Variants in DGKI observed in about 807,000 individuals in gnomAD.
The protein encoded by DGKI is DAG kinase iota.
A neutral mutation model predicts 147.5 loss-of-function variants in DGKI; 55 were observed. That is an observed-to-expected ratio of 0.37 (90% CI 0.30 to 0.47). DGKI has a LOEUF of 0.47. Ranked by LOEUF, DGKI falls within the 20% of genes least tolerant of loss-of-function variation. DGKI has a pLI of 1.00. For synonymous variants in DGKI, 469 were observed against 477.1 expected (o/e 0.98, Z 0.22); for missense variants, 1,007 against 1,323.8 (o/e 0.76, Z 3.71).
chr7:137,534,446 T>C (rs1817450890), intron 20 of DGKI, among the ~76,000 whole-genome samples: 1 of 152,102 alleles, frequency 6.6e-6, no homozygotes, highest in Non-Finnish European at 1.5e-5. Flanking sequence ...TCTGCATGTA[T>C]TTCTGCAGAT....
chr7:137,422,664 G>A lies in DGKI; in HGVS notation c.2762-10457C>T, dbSNP rs868576510. On this transcript the variant is annotated intron_variant, in intron 28 of 32. Coordinates refer to ENST00000614521, the MANE Select transcript of DGKI (RefSeq NM_001321708.2). ...CTCTCACCCAGACTGGAGTGCAGTG[G>A]CGCCATCTCAGCTCACTGCAAGCTC... Among the ~76,000 whole-genome samples the A allele has an allele frequency of 1.5e-4, 20 of 130,674 alleles. No homozygotes were observed. The Middle Eastern group carries it at 0.025, about 162-fold the overall frequency. 85.7% of individuals were successfully genotyped at this position (130,674 alleles called of 152,430 possible).
intron 1 of DGKI, among the ~76,000 whole-genome samples, chr7:137,735,275 T>A (rs1366273356): frequency 6.6e-6 from 1 of 152,170 alleles, no homozygotes; most frequent in Admixed American, 6.6e-5. Context: ...ACTTTTGTTT[T>A]AGCAACGCTA....
chr7:137,832,537 CA>C (rs1798248497), intron 1 of DGKI, among the ~76,000 whole-genome samples: 1 of 152,206 alleles, frequency 6.6e-6, no homozygotes, highest in African/African-American at 2.4e-5. Flanking sequence ...CACAAGACAC[CA>C]AGTCCATAGT....
chr7:137,628,921 G>C (rs1821035185), intron 6 of DGKI, among the ~76,000 whole-genome samples: 1 of 152,176 alleles, frequency 6.6e-6, no homozygotes, highest in East Asian at 1.9e-4. Flanking sequence ...AAGATAAGCT[G>C]AATTTATTTC....
intron 21 of DGKI, among the ~76,000 whole-genome samples, chr7:137,515,485 C>A (rs1234458441): frequency 6.6e-6 from 1 of 151,990 alleles, no homozygotes; most frequent in Non-Finnish European, 1.5e-5. Context: ...GTCCAACAAA[C>A]CTGAGTGTGA....
At chr7:137,411,203 C>T (rs1812149484) in intron 29 of DGKI, among the ~76,000 whole-genome samples, 1 of 152,216 alleles carries the variant, frequency 6.6e-6, no homozygotes, top group Non-Finnish European at 1.5e-5. Flanking sequence ...TGCCTTCAGG[C>T]AGCTGTCATT....
chr7:137,524,453 A>T (rs1028740049), intron 20 of DGKI, among the ~76,000 whole-genome samples: 6 of 152,170 alleles, frequency 3.9e-5, no homozygotes, highest in African/African-American at 1.4e-4. Context: ...CAGGACAAGA[A>T]TAAAAATAAG....
chr7:137,675,455 C>T (rs575132371), intron 3 of DGKI, among the ~76,000 whole-genome samples: 17 of 152,152 alleles, frequency 1.1e-4, no homozygotes, highest in East Asian at 3.9e-4. Context: ...GAGGCCGAGG[C>T]GGGTGGATCC....
intron 1 of DGKI, among the ~76,000 whole-genome samples, chr7:137,823,180 T>A (rs765999711): frequency 3.9e-5 from 6 of 152,096 alleles, no homozygotes; most frequent in African/African-American, 1.2e-4. Context: ...GTTTTGAAAT[T>A]CCTAAACAAT....
At chr7:137,632,333 G>A (rs1821149231) in intron 6 of DGKI, among the ~76,000 whole-genome samples, 1 of 152,200 alleles carries the variant, frequency 6.6e-6, no homozygotes, top group African/African-American at 2.4e-5. Flanking sequence ...TCCATTGATT[G>A]AAGGAGAGGG....
rs113902232 is a variant in DGKI at position 137,844,267 on chromosome 7, T to C, written c.401+2195A>G. ...ATTTCCTGTTACCCAGGCACAAACATGCTCCAGATGGAAGCACCTCCTTTT... is the reference window on the plus strand; with the variant it reads ...ATTTCCTGTTACCCAGGCACAAACACGCTCCAGATGGAAGCACCTCCTTTT... On this transcript the variant is annotated intron_variant, in intron 1 of 32. Transcript: ENST00000614521. Among the ~76,000 whole-genome samples, 787 of 152,322 alleles carry C rather than the reference T, an allele frequency of 5.2e-3. 4 individuals carry two copies. Among genetic ancestry groups the C allele is most frequent in the African/African-American group, 0.018 (754 of 41,576 alleles).
intron 20 of DGKI, among the ~76,000 whole-genome samples, chr7:137,523,832 A>G (rs974413544): frequency 6.8e-6 from 1 of 146,264 alleles, no homozygotes; most frequent in Non-Finnish European, 1.5e-5. Context: ...AAAACTCACA[A>G]TATCATTTAC....
rs114264900 is a variant in DGKI at position 137,773,497 on chromosome 7, T to C, written c.401+72965A>G. 1.5e-3 allele frequency among the ~76,000 whole-genome samples: 228 copies of C among 152,256 alleles called. 1 individual carries two copies. The highest frequency in any genetic ancestry group is 5.4e-3 in the African/African-American group (224 of 41,540). ...GGACCCTCTTCTCAGGATGCTTTAA[T>C]AGATCTGTGAGGGCACACAGGAATT... On this transcript the variant is annotated intron_variant, in intron 1 of 32. Transcript: ENST00000614521.
intron 28 of DGKI, among the ~76,000 whole-genome samples, chr7:137,422,454 C>A (rs1256704204): frequency 6.6e-6 from 1 of 151,774 alleles, no homozygotes; most frequent in Non-Finnish European, 1.5e-5. Flanking sequence ...ACAGCTATTC[C>A]CTTAAAACTA....
chr7:137,638,540 GTA>G lies in DGKI; in HGVS notation c.804+6930_804+6931del, dbSNP rs1402051689. On this transcript the variant is annotated intron_variant, in intron 6 of 32. Coordinates refer to ENST00000614521, the MANE Select transcript of DGKI (RefSeq NM_001321708.2). ...TGTATATATATACACACACATATAT[GTA>G]TATATATGTGTGTATATATATACAC... 9.5e-4 allele frequency among the ~76,000 whole-genome samples: 90 copies of G among 94,890 alleles called. 2 individuals are homozygous for G. The highest frequency in any genetic ancestry group is 3.5e-3 in the African/African-American group (61 of 17,254). The allele number at this position is 94,890 out of a possible 152,430, so 62.3% of individuals were successfully genotyped here. A position where few individuals can be genotyped will look rare whatever the true frequency, so the allele number is the denominator to read the frequency against.
rs1554421311 is a variant in DGKI, at chr7:137,517,337, A to AAGAAAGAAAGAG, written c.2248+4528_2248+4529insCTCTTTCTTTCT. Among the ~76,000 whole-genome samples, 46 of 116,794 alleles carry AAGAAAGAAAGAG rather than the reference A, an allele frequency of 3.9e-4. 1 individual carries two copies. The highest frequency in any genetic ancestry group is 3.1e-3 in the East Asian group (11 of 3,592). The allele number at this position is 116,794 out of a possible 152,430, so 76.6% of individuals were successfully genotyped here. On this transcript the variant is annotated intron_variant, in intron 21 of 32. Transcript: ENST00000614521. ...AAAGAAAGAAAGAAAGAAAGAAAGA[A>AAGAAAGAAAGAG]AGAGAAAGAAAGAAAGAAGGAAAGA...
At chr7:137,409,856 C>T (rs969346144) in intron 29 of DGKI, among the ~76,000 whole-genome samples, 2 of 152,150 alleles carry the variant, frequency 1.3e-5, no homozygotes, top group African/African-American at 2.4e-5. Context: ...GAGATGTTCT[C>T]TTCGCTAGTC....
At position 137,382,009 on chromosome 7, in the gene DGKI, T is replaced by C. The variant is rs1254702756; in HGVS notation, c.*9211A>G. The C allele has an allele frequency of 2.6e-5, 4 of 151,928 alleles. No individual in the cohort carries two copies. The highest frequency in any genetic ancestry group is 9.7e-5 in the African/African-American group (4 of 41,368). 9.4% of individuals were successfully genotyped at this position (151,928 alleles called of 1,614,324 possible). On this transcript the variant is annotated 3_prime_UTR_variant, in exon 33 of 33. Transcript: ENST00000614521. The stretch of plus-strand genomic sequence containing the variant: ...AGAGTGGCGAATAAAAATTCTTTGA[T>C]CTCCAGAAGATCAGGAGATCAGGAG...
intron 1 of DGKI, among the ~76,000 whole-genome samples, chr7:137,716,559 T>C (rs1794383148): frequency 6.6e-6 from 1 of 152,184 alleles, no homozygotes; most frequent in African/African-American, 2.4e-5. Flanking sequence ...GAAATCACTA[T>C]TCTCTCAACG....
Sources: gnomAD v4.1 joint callset for allele counts (sites outside exome capture counted in the v4.1 genomes callset) on GRCh38, gnomAD v4.1.1 for gene constraint, MANE v1.5 for transcripts, NCBI Gene and HGNC (gene_info 2026-07-23, HGNC 2026-07-21) for gene names.